Variants in SSBP4 observed in about 807,000 individuals in gnomAD.
The protein encoded by SSBP4 is single stranded DNA binding protein 4.
Under a neutral mutation model 64.6 loss-of-function variants are expected in SSBP4, and 33 were observed. The ratio of observed to expected loss-of-function variants is 0.51; its 90% CI spans 0.39 to 0.68. The LOEUF (loss-of-function observed/expected upper bound fraction) is 0.68, where lower values mean the gene tolerates loss of function less well. Ranked by LOEUF, SSBP4 falls within the 30% of genes least tolerant of loss-of-function variation. SSBP4 has a pLI of 0.00. For synonymous variants in SSBP4, 243 were observed against 224.0 expected (o/e 1.08, Z -0.76); for missense variants, 583 against 566.8 (o/e 1.03, Z -0.29).
At chr19:18,402,904 G>A in the SSBP4 span, among the ~76,000 whole-genome samples, 81 of 152,282 alleles carry the variant, frequency 5.3e-4, 1 homozygote, top group Middle Eastern at 3.4e-3. Flanking sequence ...TCTGTGCTGA[G>A]GAGGATTAGT....
Position 18,427,574 on chromosome 19 carries a change from T to C in SSBP4, c.132+151T>C. The C allele has an allele frequency of 8.1e-7, 1 of 1,230,474 alleles. No homozygotes were observed. The highest frequency in any genetic ancestry group is 1.1e-6 in the Non-Finnish European group (1 of 897,264). The allele number at this position is 1,230,474 out of a possible 1,614,324, so 76.2% of individuals were successfully genotyped here. ...GCAGGGTCCAGGCCCTGGGCTAGCA[T>C]CCAGGCATCTGGTCCACATGCCCAG... On this transcript the variant is annotated intron_variant, in intron 2 of 17. Transcript: ENST00000270061. This position sits in a 1 kb window ranked among gnomAD's most constrained non-coding sequence, Gnocchi z 4.4.
the SSBP4 span, among the ~76,000 whole-genome samples, chr19:18,405,770 G>A: frequency 6.6e-6 from 1 of 152,114 alleles, no homozygotes. Flanking sequence ...GGCAGATCAC[G>A]AGGTCAGGTG....
chr19:18,416,869 C>G (rs989459622), upstream of SSBP4, among the ~76,000 whole-genome samples: 2 of 152,236 alleles, frequency 1.3e-5, no homozygotes, highest in Non-Finnish European at 2.9e-5. Flanking sequence ...AGGCGTGCGC[C>G]CTGGTTGGGA....
rs1336586733 is a variant in SSBP4 at position 18,432,899 on chromosome 19, AGGT to A, written c.841+19_841+21del. The A allele has an allele frequency of 1.2e-6, 2 of 1,613,784 alleles. No homozygotes were observed. Among genetic ancestry groups the A allele is most frequent in the African/African-American group, 2.7e-5 (2 of 74,864 alleles). ...AGCCCTGGAGGTATGGCCTAGTAAG[AGGT>A]GGGGGTGTGCTAGGGTGGGTGTGTT... On this transcript the variant is annotated intron_variant, in intron 13 of 17. Coordinates refer to ENST00000270061, the MANE Select transcript of SSBP4 (RefSeq NM_032627.5).
chr19:18,419,727 C>G lies in SSBP4; in HGVS notation c.59+20C>G. 2 of 1,140,878 alleles carry G rather than the reference C, an allele frequency of 1.8e-6. No individual in the cohort carries two copies. Among genetic ancestry groups the G allele is most frequent in the Non-Finnish European group, 2.2e-6 (2 of 928,706 alleles). The allele number at this position is 1,140,878 out of a possible 1,614,324, so 70.7% of individuals were successfully genotyped here. Reference sequence around the variant, plus strand: ...CGAGAAGTGAGTGCGGGGCCGGGGGCGGGGCTCGGCGTCCGCGCTCTTCCG... The same window carrying G: ...CGAGAAGTGAGTGCGGGGCCGGGGGGGGGGCTCGGCGTCCGCGCTCTTCCG... On this transcript the variant is annotated intron_variant, in intron 1 of 17. Transcript: ENST00000270061.
intron 1 of SSBP4, among the ~76,000 whole-genome samples, chr19:18,419,925 G>A (rs1264518118): frequency 6.6e-6 from 1 of 150,464 alleles, no homozygotes; most frequent in African/African-American, 2.4e-5. Context: ...GTTGAGGGTT[G>A]GCGGGCGACC....
chr19:18,433,567 GTCTGT>G lies in SSBP4; in HGVS notation c.992-17_992-13del. The G allele has an allele frequency of 6.5e-7, 1 of 1,544,798 alleles. No homozygotes were observed. The highest frequency in any genetic ancestry group is 8.7e-7 in the Non-Finnish European group (1 of 1,145,548). ...CCAGCACGTCTGAGCCGGTGCCCGT[GTCTGT>G]CCGTGTCTGTAGGCTCGGGCGACAT... is the stretch of plus-strand genomic sequence containing the variant. On this transcript the variant is annotated splice_polypyrimidine_tract_variant and intron_variant, in intron 15 of 17. Coordinates refer to ENST00000270061, the MANE Select transcript of SSBP4 (RefSeq NM_032627.5).
At chr19:18,418,423 CT>C (rs533026262), upstream of SSBP4, among the ~76,000 whole-genome samples, 7 of 152,348 alleles carry the variant, frequency 4.6e-5, no homozygotes, top group African/African-American at 1.7e-4. This position sits in a 1 kb window ranked among gnomAD's most constrained non-coding sequence, Gnocchi z 6.7. Context: ...CTGAACACCC[CT>C]GGTGGGGGGA....
chr19:18,428,066 C>A, intron 4 of SSBP4, 84 bp downstream of exon 4: 1 of 1,301,728 alleles, frequency 7.7e-7, no homozygotes, highest in Non-Finnish European at 1.1e-6. Flanking sequence ...TGGGGGGCTG[C>A]ACAGCCAGAG....
intron 4 of SSBP4, among the ~76,000 whole-genome samples, chr19:18,430,247 C>T (rs1328237663): frequency 1.3e-5 from 2 of 152,114 alleles, no homozygotes; most frequent in Non-Finnish European, 2.9e-5. Flanking sequence ...CCCTGCCAGA[C>T]CCTGTAGGCC....
intron 1 of SSBP4, among the ~76,000 whole-genome samples, chr19:18,422,474 G>A (rs1158830788): frequency 6.6e-6 from 1 of 152,178 alleles, no homozygotes; most frequent in East Asian, 1.9e-4. Flanking sequence ...GTGTTGGTTT[G>A]GAGGTGAGGT....
intron 4 of SSBP4, among the ~76,000 whole-genome samples, chr19:18,430,413 C>G (rs1295728622): frequency 6.6e-6 from 1 of 152,174 alleles, no homozygotes. Context: ...CAGAATCCTG[C>G]TTTTCACCCT....
chr19:18,431,698 C>CAGGATG lies in SSBP4; in HGVS notation c.487_488insAGGATG (p.Pro163delinsGlnAspAla). On this transcript the variant is annotated protein_altering_variant, in exon 7 of 18. Coordinates refer to ENST00000270061, the MANE Select transcript of SSBP4 (RefSeq NM_032627.5). Reference sequence around the variant, plus strand: ...GGGCCCCCGGCCCACCCTGCGGATGCCGAGTCAGGTGAGAAAGGGATGAGG... The same window carrying CAGGATG: ...GGGCCCCCGGCCCACCCTGCGGATGCAGGATGCGAGTCAGGTGAGAAAGGGATGAGG... 6.4e-7 allele frequency: 1 copy of CAGGATG among 1,551,234 alleles called. No homozygotes were observed. Among genetic ancestry groups the CAGGATG allele is most frequent in the Non-Finnish European group, 8.7e-7 (1 of 1,147,800 alleles).
At chr19:18,409,957 G>A in the SSBP4 span, among the ~76,000 whole-genome samples, 1 of 152,140 alleles carries the variant, frequency 6.6e-6, no homozygotes, top group South Asian at 2.1e-4. Flanking sequence ...TCAGCCGCCT[G>A]AGTAGCTGGA....
At chr19:18,415,077 G>A (rs536851233), upstream of SSBP4, among the ~76,000 whole-genome samples, 2 of 127,146 alleles carry the variant, frequency 1.6e-5, no homozygotes, top group South Asian at 2.4e-4. Context: ...CCCCACCCTC[G>A]ACCTACCCTC....
In SSBP4 at chr19:18,419,634, G is replaced by A; in HGVS notation, c.-15G>A. 1.6e-6 allele frequency: 2 copies of A among 1,263,910 alleles called. No homozygotes were observed. Among genetic ancestry groups the A allele is most frequent in the Non-Finnish European group, 2.0e-6 (2 of 999,864 alleles). 78.3% of individuals were successfully genotyped at this position (1,263,910 alleles called of 1,614,324 possible). On this transcript the variant is annotated 5_prime_UTR_variant, in exon 1 of 18. Transcript: ENST00000270061. Reference sequence around the variant, plus strand: ...CTGACAGGTGTGGGCCCCGGCGGCGGCGGCGTGGAGCAGCATGTACGCCAA... The same window carrying A: ...CTGACAGGTGTGGGCCCCGGCGGCGACGGCGTGGAGCAGCATGTACGCCAA...
chr19:18,432,837 A>G lies in SSBP4; in HGVS notation c.795A>G (p.Pro265=). The G allele has an allele frequency of 6.2e-7, 1 of 1,613,952 alleles. No individual in the cohort carries two copies. Residue 265 remains proline, a synonymous_variant, in exon 13 of 18, where the codon CCA becomes CCG. Transcript: ENST00000270061. ...CTGTCTCTTGTGTGCAGGGACCCCCAGGAGGAGGTGGGCCCCCTGGAACAC... is the reference window on the plus strand; with the variant it reads ...CTGTCTCTTGTGTGCAGGGACCCCCGGGAGGAGGTGGGCCCCCTGGAACAC... ...SSSPGSYTGP[P]GGGGPPGTPI...
chr19:18,429,573 T>C (rs940507894), intron 4 of SSBP4, among the ~76,000 whole-genome samples: 1 of 150,346 alleles, frequency 6.7e-6, no homozygotes, highest in African/African-American at 2.5e-5. Flanking sequence ...GACACAGGGC[T>C]CAAAGGTGCC....
At chr19:18,424,647 C>T (rs1175331052) in intron 1 of SSBP4, among the ~76,000 whole-genome samples, 1 of 151,464 alleles carries the variant, frequency 6.6e-6, no homozygotes, top group East Asian at 1.9e-4. Flanking sequence ...TGTCGTAATC[C>T]AGGTGGGAGA....
Sources: gnomAD v4.1 joint callset for allele counts (sites outside exome capture counted in the v4.1 genomes callset) on GRCh38, gnomAD v4.1.1 for gene constraint, Gnocchi (gnomAD v3.1) non-coding constraint, MANE v1.5 for transcripts, NCBI Gene and HGNC (gene_info 2026-07-23, HGNC 2026-07-21) for gene names.